The following MMD variants were observed in gnomAD, a reference collection of about 807,000 sequenced individuals.
MMD encodes monocyte to macrophage differentiation factor.
In MMD, 22 loss-of-function variants were observed where a neutral mutation model predicts 33.6. The observed-to-expected ratio is 0.66, with a 90% CI of 0.47 to 0.94. The LOEUF is 0.94. Among genes scored for constraint, MMD ranks in the 40% least tolerant of loss-of-function variants. The pLI, the probability that MMD is intolerant of heterozygous loss-of-function variation, is 0.00. For synonymous variants in MMD, 97 were observed against 103.2 expected (o/e 0.94, Z 0.36); for missense variants, 242 against 309.8 (o/e 0.78, Z 1.64).
At chr17:55,407,952 T>G in intron 3 of MMD, 132 bp from the exon 4 acceptor site, 1 of 611,412 alleles carries the variant, frequency 1.6e-6, no homozygotes, top group South Asian at 2.5e-5. Flanking sequence ...CTTCCAAGGT[T>G]ACACAGATTT....
chr17:55,421,795 T>C lies in MMD; in HGVS notation c.-100A>G. ...GGCTTGGGCTGCTCCGGAGGCCGCC[T>C]GCGTGTCCAGCGGAACCCTTCGGCC... On this transcript the variant is annotated 5_prime_UTR_variant, in exon 1 of 7. Transcript: ENST00000262065. The C allele has an allele frequency of 2.3e-6, 3 of 1,319,352 alleles. No homozygotes were observed. The highest frequency in any genetic ancestry group is 3.0e-6 in the Non-Finnish European group (3 of 994,638). 81.7% of individuals were successfully genotyped at this position (1,319,352 alleles called of 1,614,324 possible).
intron 6 of MMD, among the ~76,000 whole-genome samples, chr17:55,397,240 T>A (rs1432561972): frequency 1.3e-5 from 2 of 150,940 alleles, no homozygotes; most frequent in African/African-American, 4.9e-5. Flanking sequence ...TGGCTCACTG[T>A]AACCTCTGCC....
intron 3 of MMD, among the ~76,000 whole-genome samples, chr17:55,410,258 T>C (rs943746450): frequency 2.6e-5 from 4 of 152,212 alleles, no homozygotes; most frequent in African/African-American, 9.6e-5. Flanking sequence ...AGGAAACCAG[T>C]AATCATCTCA....
At chr17:55,416,779 A>G (rs747143804) in intron 1 of MMD, among the ~76,000 whole-genome samples, 7 of 152,168 alleles carry the variant, frequency 4.6e-5, no homozygotes, top group Non-Finnish European at 4.4e-5. Flanking sequence ...TATGGAAGAC[A>G]TCTCTATTTA....
At chr17:55,421,272 A>G (rs920291305) in intron 1 of MMD, among the ~76,000 whole-genome samples, 4 of 152,238 alleles carry the variant, frequency 2.6e-5, no homozygotes, top group Admixed American at 1.3e-4. Context: ...ATGGAGGCCA[A>G]AGCCAGGTCG....
At chr17:55,395,800 T>C (rs777888134) in intron 6 of MMD, among the ~76,000 whole-genome samples, 10 of 152,246 alleles carry the variant, frequency 6.6e-5, no homozygotes, top group Non-Finnish European at 1.2e-4. Flanking sequence ...ACGTTATTAA[T>C]TCCTCAAGGT....
chr17:55,406,068 G>C (rs770186130), intron 4 of MMD, among the ~76,000 whole-genome samples: 4 of 152,206 alleles, frequency 2.6e-5, no homozygotes, highest in Non-Finnish European at 5.9e-5. Flanking sequence ...AGTAGCTACT[G>C]CACTTGAGGT....
rs906046827 is a variant in MMD at position 55,394,498 on chromosome 17, C to T, written c.553G>A (p.Gly185Ser). ...TDGLQELACG[G>S]LIYCLGVVFF... Reference sequence around the variant, plus strand: ...ACAACTCCCAAGCAATAAATTAAGCCCCCACAGGCAAGTTCCTGAAGTCCA... The same window carrying T: ...ACAACTCCCAAGCAATAAATTAAGCTCCCACAGGCAAGTTCCTGAAGTCCA... Residue 185 changes from glycine (G) to serine (S), a missense_variant, in exon 7 of 7, where the codon GGC becomes AGC. By Grantham distance (56) the Gly-to-Ser change is moderately conservative. Transcript: ENST00000262065. 6.5e-7 allele frequency: 1 copy of T among 1,528,022 alleles called. No homozygotes were observed. Among genetic ancestry groups the T allele is most frequent in the Non-Finnish European group, 8.8e-7 (1 of 1,142,046 alleles). The allele number at this position is 1,528,022 out of a possible 1,614,324, so 94.7% of individuals were successfully genotyped here.
chr17:55,417,748 G>C (rs1908026188), intron 1 of MMD, among the ~76,000 whole-genome samples: 1 of 152,190 alleles, frequency 6.6e-6, no homozygotes. Context: ...ACAGTGAGTT[G>C]TGATGGCACC....
chr17:55,401,563 T>C (rs1336622664), intron 5 of MMD, 25 bp from the exon 6 acceptor site: 3 of 1,572,404 alleles, frequency 1.9e-6, no homozygotes, highest in South Asian at 2.3e-5. Context: ...ATGCAGTTAA[T>C]TTAACTTATA....
intron 2 of MMD, among the ~76,000 whole-genome samples, chr17:55,413,017 T>C (rs1907821749): frequency 6.6e-6 from 1 of 152,182 alleles, no homozygotes; most frequent in Admixed American, 6.5e-5. Flanking sequence ...TAAGATTATA[T>C]TTTCTGTTCT....
At chr17:55,413,500 G>T (rs1165309893) in intron 2 of MMD, among the ~76,000 whole-genome samples, 1 of 151,712 alleles carries the variant, frequency 6.6e-6, no homozygotes, top group Non-Finnish European at 1.5e-5. Flanking sequence ...CACACACAAA[G>T]AAATGCACCG....
At chr17:55,412,451 G>A (rs543680928) in intron 2 of MMD, among the ~76,000 whole-genome samples, 2 of 152,174 alleles carry the variant, frequency 1.3e-5, no homozygotes, top group South Asian at 4.1e-4. Context: ...TAGTCCACAT[G>A]GTCACAAACT....
chr17:55,405,400 T>G (rs1462067878), intron 4 of MMD, among the ~76,000 whole-genome samples: 4 of 142,096 alleles, frequency 2.8e-5, no homozygotes, highest in African/African-American at 5.2e-5. Context: ...AAAAAAAGAA[T>G]AAATGAGGAA....
At chr17:55,402,188 G>A (rs945858918) in intron 5 of MMD, among the ~76,000 whole-genome samples, 5 of 150,876 alleles carry the variant, frequency 3.3e-5, no homozygotes, top group African/African-American at 1.2e-4. Flanking sequence ...TTCCTCTTCT[G>A]ATCCTAGAGT....
At chr17:55,400,265 C>T (rs1907273976) in intron 6 of MMD, among the ~76,000 whole-genome samples, 1 of 152,102 alleles carries the variant, frequency 6.6e-6, no homozygotes, top group African/African-American at 2.4e-5. Context: ...TATGTTCTTA[C>T]AGCCAGGCGT....
intron 4 of MMD, among the ~76,000 whole-genome samples, chr17:55,405,464 G>A (rs928390223): frequency 2.6e-4 from 40 of 151,626 alleles, no homozygotes; most frequent in African/African-American, 9.7e-4. Flanking sequence ...TTTCCAAATG[G>A]AAAAAGTACA....
At chr17:55,404,755 A>C in intron 4 of MMD, 1 of 985,262 alleles carries the variant, frequency 1.0e-6, no homozygotes, top group Non-Finnish European at 1.2e-6. Context: ...ATTTGTACTA[A>C]TTTCATATTA....
intron 1 of MMD, among the ~76,000 whole-genome samples, chr17:55,418,000 C>T (rs920317269): frequency 2.0e-5 from 3 of 152,200 alleles, no homozygotes; most frequent in Non-Finnish European, 4.4e-5. Context: ...GGCTATACCA[C>T]CTCCTTTCTG....
Sources: gnomAD v4.1 joint callset for allele counts (sites outside exome capture counted in the v4.1 genomes callset) on GRCh38, gnomAD v4.1.1 for gene constraint, MANE v1.5 for transcripts, NCBI Gene and HGNC (gene_info 2026-07-23, HGNC 2026-07-21) for gene names.